CARD14: variants seen among roughly 807,000 people sequenced by gnomAD.
CARD14 encodes the protein caspase recruitment domain-containing protein 14.
In CARD14, 107 loss-of-function variants were observed where a neutral mutation model predicts 111.5. The observed-to-expected ratio is 0.96, with a 90% CI of 0.82 to 1.13. CARD14 has a LOEUF of 1.13. Among genes scored for constraint, CARD14 ranks in the 50% most tolerant of loss-of-function variants. The probability of loss-of-function intolerance (pLI) is 0.00; values close to 1 mark genes in which losing one functional copy is unlikely to be tolerated. For synonymous variants in CARD14, 617 were observed against 579.6 expected (o/e 1.06, Z -0.93); for missense variants, 1,322 against 1,362.3 (o/e 0.97, Z 0.47).
chr17:80,199,431 A>C (rs1203278170), intron 16 of CARD14, among the ~76,000 whole-genome samples: 1 of 151,526 alleles, frequency 6.6e-6, no homozygotes, highest in Non-Finnish European at 1.5e-5. Context: ...AAAAAAAAAA[A>C]CTTCTGGGCA....
chr17:80,202,037 A>G, intron 17 of CARD14, 143 bp from the exon 18 acceptor site: 1 of 1,195,302 alleles, frequency 8.4e-7, no homozygotes, highest in East Asian at 2.4e-5. Flanking sequence ...CCAGCTGGAA[A>G]CCTCCCACCC....
At position 80,207,039 on chromosome 17, in the gene CARD14, A is replaced by G. The variant is rs1403896334; in HGVS notation, c.2761A>G (p.Ile921Val). The G allele has an allele frequency of 6.2e-7, 1 of 1,614,014 alleles. No individual in the cohort carries two copies. The highest frequency in any genetic ancestry group is 1.3e-5 in the African/African-American group (1 of 75,048). The change falls in exon 23 of 24, where the codon ATC becomes GTC. Residue 921 changes from isoleucine to valine, a missense_variant. Physicochemically the swap from Ile to Val is conservative, Grantham distance 29. Coordinates refer to ENST00000648509, the MANE Select transcript of CARD14 (RefSeq NM_001366385.1). Reference sequence around the variant, plus strand: ...CCTGCACAGGATGGACATCTTCCCCATCGTCATCCACGTCTCTGTCAACGA... The same window carrying G: ...CCTGCACAGGATGGACATCTTCCCCGTCGTCATCCACGTCTCTGTCAACGA... ...CTLHRMDIFP[I>V]VIHVSVNEKM...
chr17:80,198,537 C>A lies in CARD14; in HGVS notation c.1797C>A (p.Thr599=), dbSNP rs530338890. The change falls in exon 16 of 24, where the codon ACC becomes ACA. Residue 599 remains threonine, a synonymous_variant. Coordinates refer to ENST00000648509, the MANE Select transcript of CARD14 (RefSeq NM_001366385.1). This position sits in a 1 kb window ranked among gnomAD's most constrained non-coding sequence, Gnocchi z 7.5. The part of the protein sequence containing the change: ...NLTGIFIHRV[T]PGSAADQMAL... ...CGGGCATCTTCATCCACCGGGTCACCCCGGGCTCGGCGGCGGACCAGATGG... is the reference window on the plus strand; with the variant it reads ...CGGGCATCTTCATCCACCGGGTCACACCGGGCTCGGCGGCGGACCAGATGG... 4.2e-5 allele frequency: 68 copies of A among 1,613,252 alleles called. No individual in the cohort carries two copies. The South Asian group carries it at 7.1e-4, about 17-fold the overall frequency.
rs374800987 is a variant in CARD14, at chr17:80,184,266, G to A, written c.675+28G>A. On this transcript the variant is annotated intron_variant, in intron 7 of 23. Transcript: ENST00000648509. ...AGGGGGACACCCTGCACCCCGGCGC[G>A]ACCCTGCTGTCGTCTGCCCCCAGGC... is the stretch of plus-strand genomic sequence containing the variant. 8.9e-5 allele frequency: 130 copies of A among 1,466,782 alleles called. No homozygotes were observed. The Middle Eastern group carries it at 1.5e-3, about 16-fold the overall frequency. 90.9% of individuals were successfully genotyped at this position (1,466,782 alleles called of 1,614,324 possible).
rs374690955 is a variant in CARD14 at position 80,181,568 on chromosome 17, C to T, written c.130C>T (p.Arg44Cys). The T allele has an allele frequency of 5.1e-6, 8 of 1,566,730 alleles. No homozygotes were observed. Among genetic ancestry groups the T allele is most frequent in the East Asian group, 2.4e-5 (1 of 41,848 alleles). Reference sequence around the variant, plus strand: ...CCCCAGCCGCCTCACCCCCTACCTGCGCCAGGCCAAGGTGCTGTGCCAGCT... The same window carrying T: ...CCCCAGCCGCCTCACCCCCTACCTGTGCCAGGCCAAGGTGCTGTGCCAGCT... ...ICPSRLTPYL[R>C]QAKVLCQLDE... Residue 44 changes from arginine to cysteine, a missense_variant, in exon 5 of 24, where the codon CGC (arginine) becomes TGC (cysteine). By Grantham distance (180) the Arg-to-Cys change is radical. Coordinates refer to ENST00000648509, the MANE Select transcript of CARD14 (RefSeq NM_001366385.1).
rs2041260121 is a variant in CARD14 at position 80,205,654 on chromosome 17, T to TGA, written c.2691+4_2691+5dup. On this transcript the variant is annotated splice_region_variant and intron_variant, in intron 22 of 23. Transcript: ENST00000648509. ...GCTGTGGAGTCCCTCATGGAAAAGGTGAGGTCAAGGGCGGGGTGGGCAGGG... is the reference window on the plus strand; with the variant it reads ...GCTGTGGAGTCCCTCATGGAAAAGGTGAGAGGTCAAGGGCGGGGTGGGCAGGG... 1.3e-6 allele frequency: 2 copies of TGA among 1,554,270 alleles called. No homozygotes were observed. The highest frequency in any genetic ancestry group is 2.7e-5 in the African/African-American group (2 of 73,110).
At chr17:80,185,304 G>A (rs548084443) in intron 7 of CARD14, among the ~76,000 whole-genome samples, 2 of 152,004 alleles carry the variant, frequency 1.3e-5, no homozygotes, top group African/African-American at 2.4e-5. Context: ...CTCCCACCTC[G>A]GCCTCCAAAG....
In CARD14 at chr17:80,191,672, G is replaced by A. The variant is rs138683060; in HGVS notation, c.1239+200G>A. On this transcript the variant is annotated intron_variant, in intron 11 of 23. Transcript: ENST00000648509. Reference sequence around the variant, plus strand: ...CTGGCTCCCACGCGTGGATGGTGCCGTGAAACCTCGAAGGTGCCCAGTAGA... The same window carrying A: ...CTGGCTCCCACGCGTGGATGGTGCCATGAAACCTCGAAGGTGCCCAGTAGA... Among the ~76,000 whole-genome samples the A allele has an allele frequency of 4.2e-3, 639 of 152,366 alleles. 4 individuals carry two copies. Among genetic ancestry groups the A allele is most frequent in the African/African-American group, 0.015 (611 of 41,592 alleles).
rs2144645144 is a variant in CARD14 at position 80,208,517 on chromosome 17, A to G, written c.*172A>G. On this transcript the variant is annotated 3_prime_UTR_variant, in exon 24 of 24. Coordinates refer to ENST00000648509, the MANE Select transcript of CARD14 (RefSeq NM_001366385.1). Reference sequence around the variant, plus strand: ...CCCTCACCACGTGCAGGTCACACACAGTGAAGCCACTTGTAACTGCACACT... The same window carrying G: ...CCCTCACCACGTGCAGGTCACACACGGTGAAGCCACTTGTAACTGCACACT... 3.6e-6 allele frequency: 2 copies of G among 562,592 alleles called. No individual in the cohort carries two copies. Among genetic ancestry groups the G allele is most frequent in the African/African-American group, 1.9e-5 (1 of 53,032 alleles). The allele number at this position is 562,592 out of a possible 1,614,324, so 34.9% of individuals were successfully genotyped here. A position where few individuals can be genotyped will look rare whatever the true frequency, so the allele number is the denominator to read the frequency against.
chr17:80,199,561 C>CAAAAAA (rs34737700), intron 16 of CARD14, among the ~76,000 whole-genome samples: 35 of 68,614 alleles, frequency 5.1e-4, no homozygotes, highest in African/African-American at 1.3e-3. Flanking sequence ...AGCCTTGTCT[C>CAAAAAA]AAAAAAAAAA....
Position 80,189,617 on chromosome 17 carries a change from G to A in CARD14, c.844-136G>A, listed in dbSNP as rs1353491880. ...GTGGCTTTTCCGTGGCTTCTCTCCT[G>A]CCCGGTGTAGAGTGGCAAGACTGCA... On this transcript the variant is annotated intron_variant, in intron 8 of 23. Coordinates refer to ENST00000648509, the MANE Select transcript of CARD14 (RefSeq NM_001366385.1). This position sits in a 1 kb window ranked among gnomAD's most constrained non-coding sequence, Gnocchi z 4.7. The A allele has an allele frequency of 1.6e-5, 18 of 1,142,660 alleles. No individual in the cohort carries two copies. Among genetic ancestry groups the A allele is most frequent in the Non-Finnish European group, 2.0e-5 (17 of 853,650 alleles). The allele number at this position is 1,142,660 out of a possible 1,614,324, so 70.8% of individuals were successfully genotyped here.
intron 7 of CARD14, among the ~76,000 whole-genome samples, chr17:80,184,832 G>A (rs1231036025): frequency 3.5e-5 from 5 of 144,652 alleles, no homozygotes; most frequent in East Asian, 4.1e-4. Flanking sequence ...GGACTCAGGC[G>A]GGATAGTTGG....
intron 2 of CARD14, among the ~76,000 whole-genome samples, chr17:80,176,758 C>T (rs2040035237): frequency 1.3e-5 from 2 of 152,178 alleles, no homozygotes; most frequent in African/African-American, 4.8e-5. Flanking sequence ...TCATTTTGCC[C>T]TGAGCTCCAC....
intron 23 of CARD14, chr17:80,207,700 T>A (rs1567908356): frequency 5.9e-6 from 1 of 168,748 alleles, no homozygotes; most frequent in Non-Finnish European, 1.2e-5. Context: ...AAAATGACAT[T>A]TTATAATTGA....
rs2040791139 is a variant in CARD14, at chr17:80,198,264, CTTTCCAAGCACATGGGGCCATGGAGGGG to C, written c.1658+103_1659-107del. The C allele has an allele frequency of 1.4e-5, 22 of 1,570,192 alleles. No individual in the cohort carries two copies. Among genetic ancestry groups the C allele is most frequent in the Non-Finnish European group, 1.9e-5 (22 of 1,144,860 alleles). The stretch of plus-strand genomic sequence containing the variant: ...CCTATTACCAATGGGAGGCAACAGC[CTTTCCAAGCACATGGGGCCATGGAGGGG>C]GAGGAGAATTCCAGAACACTGGGGC... On this transcript the variant is annotated intron_variant, in intron 15 of 23. Coordinates refer to ENST00000648509, the MANE Select transcript of CARD14 (RefSeq NM_001366385.1). The surrounding 1 kb of genome is among the most constrained non-coding windows in gnomAD (Gnocchi z 7.5).
chr17:80,200,456 C>T (rs1481213402), intron 16 of CARD14, among the ~76,000 whole-genome samples: 5 of 151,884 alleles, frequency 3.3e-5, no homozygotes, highest in East Asian at 1.9e-4. Flanking sequence ...AGGCTGATCT[C>T]GAACTCCTGA....
rs781597619 is a variant in CARD14 at position 80,198,620 on chromosome 17, C to G, written c.1851+29C>G. 15 of 1,610,478 alleles carry G rather than the reference C, an allele frequency of 9.3e-6. No homozygotes were observed. The highest frequency in any genetic ancestry group is 1.3e-5 in the Non-Finnish European group (15 of 1,179,468). On this transcript the variant is annotated intron_variant, in intron 16 of 23. Transcript: ENST00000648509. The surrounding 1 kb of genome is among the most constrained non-coding windows in gnomAD (Gnocchi z 7.5). ...AGCCGTGCGAGGCCCCTCCTGTCCC[C>G]CGGGCTCCTCATGGGGACAGTGGCA... is the stretch of plus-strand genomic sequence containing the variant.
chr17:80,197,903 C>T (rs1280014422), intron 14 of CARD14, among the ~76,000 whole-genome samples, 196 bp from the exon 15 acceptor site: 1 of 152,194 alleles, frequency 6.6e-6, no homozygotes, highest in East Asian at 1.9e-4. Context: ...AGTTCAGCCT[C>T]AGCACAAAGG....
At chr17:80,181,340 G>C in intron 4 of CARD14, 79 bp from the exon 5 acceptor site, 2 of 1,088,756 alleles carry the variant, frequency 1.8e-6, no homozygotes, top group Non-Finnish European at 2.6e-6. Context: ...CGATGGAGTT[G>C]ATTTTAAAAC....
Sources: gnomAD v4.1 joint callset for allele counts (sites outside exome capture counted in the v4.1 genomes callset) on GRCh38, gnomAD v4.1.1 for gene constraint, Gnocchi (gnomAD v3.1) non-coding constraint, MANE v1.5 for transcripts, NCBI Gene and HGNC (gene_info 2026-07-23, HGNC 2026-07-21) for gene names.